Variants in TTLL9 observed in about 807,000 individuals in gnomAD.
TTLL9 encodes the protein tubulin tyrosine ligase like 9.
A neutral mutation model predicts 65.6 loss-of-function variants in TTLL9; 47 were observed. That is an observed-to-expected ratio of 0.72 (90% CI 0.57 to 0.91). The LOEUF (loss-of-function observed/expected upper bound fraction) is 0.91, where lower values mean the gene tolerates loss of function less well. TTLL9 is among the 40% of genes least tolerant of loss of function. The probability of loss-of-function intolerance (pLI) is 0.00; values close to 1 mark genes in which losing one functional copy is unlikely to be tolerated. For missense variants in TTLL9, 537 were observed against 568.8 expected (o/e 0.94, Z 0.57); for synonymous variants, 179 against 204.8 (o/e 0.87, Z 1.07).
At chr20:31,905,452 C>T (rs1473946230) in intron 4 of TTLL9, among the ~76,000 whole-genome samples, 5 of 152,164 alleles carry the variant, frequency 3.3e-5, no homozygotes, top group Non-Finnish European at 7.3e-5. Flanking sequence ...TGGGGCACAG[C>T]CACAAGGGAG....
intron 3 of TTLL9, among the ~76,000 whole-genome samples, chr20:31,889,462 GC>G (rs1177267884): frequency 7.0e-6 from 1 of 143,540 alleles, no homozygotes; most frequent in African/African-American, 2.6e-5. Context: ...TTGCTCTGTT[GC>G]CCAGGCTGGA....
At chr20:31,933,536 G>T (rs1267776881) in intron 10 of TTLL9, among the ~76,000 whole-genome samples, 2 of 152,162 alleles carry the variant, frequency 1.3e-5, no homozygotes, top group East Asian at 1.9e-4. Context: ...GAAAAATCCT[G>T]TGAGGTCAAT....
In TTLL9 at chr20:31,881,602, CT is replaced by C. The variant is rs5841092; in HGVS notation, c.70-5574del. Among the ~76,000 whole-genome samples, 470 of 125,230 alleles carry C rather than the reference CT, an allele frequency of 3.8e-3. 1 individual carries two copies. Among genetic ancestry groups the C allele is most frequent in the African/African-American group, 8.9e-3 (290 of 32,580 alleles). 82.2% of individuals were successfully genotyped at this position (125,230 alleles called of 152,430 possible). On this transcript the variant is annotated intron_variant, in intron 2 of 14. Coordinates refer to ENST00000535842, the MANE Select transcript of TTLL9 (RefSeq NM_001008409.5). ...AATACACAGATTGGGACACATATAACTTTTTTTTTTTTTTTTTTTTGGAGAC... is the reference window on the plus strand; with the variant it reads ...AATACACAGATTGGGACACATATAACTTTTTTTTTTTTTTTTTTTGGAGAC...
intron 4 of TTLL9, among the ~76,000 whole-genome samples, chr20:31,907,539 TG>T (rs951925511): frequency 4.6e-5 from 7 of 152,036 alleles, no homozygotes; most frequent in African/African-American, 1.7e-4. Context: ...CTGGCCAACA[TG>T]GTGAAACCCC....
chr20:31,940,989 G>A (rs1460225305), intron 14 of TTLL9: 2 of 151,868 alleles, frequency 1.3e-5, no homozygotes. Flanking sequence ...AGGCCGAGGC[G>A]GGCGGATCAT....
chr20:31,921,254 A>G (rs2063811899), intron 7 of TTLL9, among the ~76,000 whole-genome samples: 1 of 152,232 alleles, frequency 6.6e-6, no homozygotes, highest in Non-Finnish European at 1.5e-5. Context: ...AGAGAAATGC[A>G]AATCAAAACC....
At chr20:31,873,661 AAAG>A (rs1391234076) in intron 2 of TTLL9, among the ~76,000 whole-genome samples, 1 of 131,680 alleles carries the variant, frequency 7.6e-6, no homozygotes, top group Admixed American at 8.0e-5. Context: ...AAAAAAGACA[AAAG>A]AAAGAAAGAA....
At chr20:31,877,480 T>C (rs559398705) in intron 2 of TTLL9, among the ~76,000 whole-genome samples, 1 of 152,340 alleles carries the variant, frequency 6.6e-6, no homozygotes, top group African/African-American at 2.4e-5. Context: ...ATCATCTTTT[T>C]CCTTTATGAA....
rs1024872151 is a variant in TTLL9, at chr20:31,924,543, TC to T, written c.665-461del. 1.7e-4 allele frequency among the ~76,000 whole-genome samples: 16 copies of T among 95,866 alleles called. No homozygotes were observed. In the Admixed American group the frequency reaches 1.8e-3, roughly 11 times the overall value. The allele number at this position is 95,866 out of a possible 152,430, so 62.9% of individuals were successfully genotyped here. A position where few individuals can be genotyped will look rare whatever the true frequency, so the allele number is the denominator to read the frequency against. ...CCCCAAGTTGACCCCCACGCACCCCTCCCCCACCTCCCATTATTCTCTCTTT... is the reference window on the plus strand; with the variant it reads ...CCCCAAGTTGACCCCCACGCACCCCTCCCCACCTCCCATTATTCTCTCTTT... On this transcript the variant is annotated intron_variant, in intron 8 of 14. Transcript: ENST00000535842.
intron 12 of TTLL9, 102 bp downstream of exon 12, chr20:31,934,990 C>G: frequency 1.8e-6 from 2 of 1,133,362 alleles, no homozygotes; most frequent in Non-Finnish European, 2.6e-6. Context: ...AGTTGTATAA[C>G]CTTGTGCACA....
chr20:31,907,033 C>T (rs1210954425), intron 4 of TTLL9, among the ~76,000 whole-genome samples: 1 of 152,034 alleles, frequency 6.6e-6, no homozygotes, highest in Non-Finnish European at 1.5e-5. Context: ...ATAACTCGAC[C>T]CCTATGTATC....
At chr20:31,927,480 CAAAAA>C (rs777895091) in intron 10 of TTLL9, among the ~76,000 whole-genome samples, 7 of 54,198 alleles carry the variant, frequency 1.3e-4, no homozygotes, top group East Asian at 5.8e-4. Context: ...GACTCTGTCT[CAAAAA>C]AAAAAAAAAA....
In TTLL9 at chr20:31,937,441, C is replaced by T. The variant is rs769717953; in HGVS notation, c.1050C>T (p.Ser350=). 3.7e-6 allele frequency: 6 copies of T among 1,613,820 alleles called. No individual in the cohort carries two copies. The South Asian group carries it at 5.5e-5, about 15-fold the overall frequency. The stretch of plus-strand genomic sequence containing the variant: ...CGTCCCCATCACTGACAGCCAGCAG[C>T]CAGGAAGACTATGAGCTCAAGACCT... The part of the protein sequence containing the change: ...VNASPSLTAS[S]QEDYELKTCL... Residue 350 remains serine (S), a synonymous_variant, in exon 13 of 15, where the codon AGC becomes AGT. Coordinates refer to ENST00000535842, the MANE Select transcript of TTLL9 (RefSeq NM_001008409.5).
intron 2 of TTLL9, among the ~76,000 whole-genome samples, chr20:31,873,814 A>G (rs1415094349): frequency 1.3e-5 from 1 of 75,014 alleles, no homozygotes; most frequent in Non-Finnish European, 3.1e-5. Context: ...GGAAGGAAGG[A>G]AGGAAGGAAG....
rs747706478 is a variant in TTLL9, at chr20:31,944,840, C to T, written c.*1819C>T. On this transcript the variant is annotated 3_prime_UTR_variant, in exon 15 of 15. Transcript: ENST00000535842. Reference sequence around the variant, plus strand: ...TGCCATGCTGCCATTTGTTATCACCCGCCTGTCAAATCACAGGTTTATTTC... The same window carrying T: ...TGCCATGCTGCCATTTGTTATCACCTGCCTGTCAAATCACAGGTTTATTTC... The T allele has an allele frequency of 5.9e-5, 9 of 152,194 alleles. No homozygotes were observed. Among genetic ancestry groups the T allele is most frequent in the Non-Finnish European group, 1.2e-4 (8 of 68,054 alleles). 9.4% of individuals were successfully genotyped at this position (152,194 alleles called of 1,614,324 possible).
chr20:31,912,677 A>C (rs957423884), intron 6 of TTLL9, among the ~76,000 whole-genome samples: 3 of 151,290 alleles, frequency 2.0e-5, no homozygotes, highest in Non-Finnish European at 4.4e-5. Context: ...GGCTCATACA[A>C]TATTGTGGGG....
intron 10 of TTLL9, among the ~76,000 whole-genome samples, chr20:31,927,103 A>G (rs974019832): frequency 1.3e-5 from 2 of 150,856 alleles, no homozygotes; most frequent in Non-Finnish European, 2.9e-5. Context: ...TGACAGAGCA[A>G]GACTGTATGT....
At chr20:31,879,684 G>A (rs1415818751) in intron 2 of TTLL9, 3 of 761,742 alleles carry the variant, frequency 3.9e-6, no homozygotes, top group Admixed American at 3.0e-5. Flanking sequence ...GGAAGTCGGG[G>A]GACCTAGGCT....
rs139093165 is a variant in TTLL9, at chr20:31,885,728, C to A, written c.70-1468C>A. ...TCTCAGATGGGCCCCAAGATTCCCA[C>A]CCCCTAGAGTACATGCCTTGTACAA... On this transcript the variant is annotated intron_variant, in intron 2 of 14. Coordinates refer to ENST00000535842, the MANE Select transcript of TTLL9 (RefSeq NM_001008409.5). Among the ~76,000 whole-genome samples the A allele has an allele frequency of 2.9e-3, 436 of 152,272 alleles. 2 individuals carry two copies. The highest frequency in any genetic ancestry group is 0.01 in the African/African-American group (417 of 41,558).
Sources: gnomAD v4.1 joint callset for allele counts (sites outside exome capture counted in the v4.1 genomes callset) on GRCh38, gnomAD v4.1.1 for gene constraint, MANE v1.5 for transcripts, NCBI Gene and HGNC (gene_info 2026-07-23, HGNC 2026-07-21) for gene names.